ZNF99: variants seen among roughly 807,000 people sequenced by gnomAD.
ZNF99 encodes zinc finger protein ENSP00000375192.
A neutral mutation model predicts 12.8 loss-of-function variants in ZNF99; 8 were observed. The ratio of observed to expected loss-of-function variants is 0.62; its 90% CI spans 0.37 to 1.13. ZNF99 has a LOEUF of 1.13. Among genes scored for constraint, ZNF99 ranks in the 50% most tolerant of loss-of-function variants. The pLI is 0.02. For missense variants in ZNF99, 1,007 were observed against 1,006.2 expected, an observed-to-expected ratio of 1.00 and a Z score of -0.01; for synonymous variants, 318 against 319.0, an observed-to-expected ratio of 1.00 and a Z score of 0.03.
At chr19:22,763,719 A>C (rs1973174055) in intron 3 of ZNF99, among the ~76,000 whole-genome samples, 1 of 152,136 alleles carries the variant, frequency 6.6e-6, no homozygotes, top group Non-Finnish European at 1.5e-5. Flanking sequence ...ACACTACCTG[A>C]CTTCAAACTA....
intron 1 of ZNF99, among the ~76,000 whole-genome samples, chr19:22,779,510 G>A (rs910497365): frequency 6.6e-6 from 1 of 152,108 alleles, no homozygotes; most frequent in Non-Finnish European, 1.5e-5. Flanking sequence ...CAGCAACAGA[G>A]TGAGACTCTG....
At position 22,754,410 on chromosome 19, in the gene ZNF99, A is replaced by C; in HGVS notation, c.*2904T>G. The C allele has an allele frequency of 2.5e-6, 1 of 407,896 alleles. No homozygotes were observed. Among genetic ancestry groups the C allele is most frequent in the South Asian group, 1.8e-5 (1 of 55,490 alleles). The allele number at this position is 407,896 out of a possible 1,614,324, so 25.3% of individuals were successfully genotyped here. A position where few individuals can be genotyped will look rare whatever the true frequency, so the allele number is the denominator to read the frequency against. Reference sequence around the variant, plus strand: ...TTGCCACATTCTTCACATTTGTAGAATTTCTCTACAACATAAATTATCTTA... The same window carrying C: ...TTGCCACATTCTTCACATTTGTAGACTTTCTCTACAACATAAATTATCTTA... On this transcript the variant is annotated 3_prime_UTR_variant, in exon 4 of 4. Coordinates refer to ENST00000596209, the MANE Select transcript of ZNF99 (RefSeq NM_001080409.3).
chr19:22,773,177 T>C (rs141876930), intron 1 of ZNF99, among the ~76,000 whole-genome samples: 1 of 152,266 alleles, frequency 6.6e-6, no homozygotes, highest in African/African-American at 2.4e-5. Flanking sequence ...TGCAGCACAA[T>C]TGTGAGTTGA....
rs200366407 is a variant in ZNF99 at position 22,758,017 on chromosome 19, C to T, written c.1892G>A (p.Ser631Asn). The stretch of plus-strand genomic sequence containing the variant: ...ATGTTTTCTAAGGGTTGAGGACTGG[C>T]TAAAAGCTTTGCCACATTCTTCACA... The part of the protein sequence containing the change: ...YKCEECGKAF[S>N]QSSTLRKHEI... Residue 631 changes from serine (S) to asparagine (N), a missense_variant, in exon 4 of 4, where the codon AGC becomes AAC. Ser to Asn is a conservative substitution (Grantham distance 46). Transcript: ENST00000596209. 7 of 1,605,866 alleles carry T rather than the reference C, an allele frequency of 4.4e-6. No homozygotes were observed. Among genetic ancestry groups the T allele is most frequent in the African/African-American group, 1.4e-5 (1 of 73,144 alleles).
chr19:22,761,212 T>C (rs1291714911), intron 3 of ZNF99, among the ~76,000 whole-genome samples: 1 of 152,104 alleles, frequency 6.6e-6, no homozygotes, highest in Non-Finnish European at 1.5e-5. Context: ...CAGACCACTA[T>C]AAAAAATTTT....
Position 22,769,280 on chromosome 19 carries a change from C to T in ZNF99, c.48G>A (p.Glu16=). The T allele has an allele frequency of 1.2e-6, 2 of 1,610,206 alleles. No individual in the cohort carries two copies. The highest frequency in any genetic ancestry group is 1.7e-6 in the Non-Finnish European group (2 of 1,177,912). ...FWDVTIEFAL[E]EWQCLDMAQQ... ...GAGCCATGTCCAGGCATTGCCACTCCTCCAGAGCGAATTCTATGGTCACAT... is the reference window on the plus strand; with the variant it reads ...GAGCCATGTCCAGGCATTGCCACTCTTCCAGAGCGAATTCTATGGTCACAT... Residue 16 remains glutamate, a synonymous_variant, in exon 2 of 4, where the codon GAG becomes GAA. Transcript: ENST00000596209.
chr19:22,780,392 C>T (rs1266266484), intron 1 of ZNF99, among the ~76,000 whole-genome samples: 5 of 152,044 alleles, frequency 3.3e-5, no homozygotes, highest in African/African-American at 4.8e-5. Flanking sequence ...TTACTATTTC[C>T]ATTAAAAATC....
chr19:22,757,473 A>G lies in ZNF99; in HGVS notation c.2436T>C (p.Thr812=). 3 of 1,610,952 alleles carry G rather than the reference A, an allele frequency of 1.9e-6. No homozygotes were observed. The highest frequency in any genetic ancestry group is 2.5e-6 in the Non-Finnish European group (3 of 1,179,612). ...STLRKHEIIH[T]GEKSYKCEEC... ...CTTCACATTTGTAGGATTTCTCTCC[A>G]GTATGAATTATCTCATGTTTTCTAA... Residue 812 remains threonine, a synonymous_variant, in exon 4 of 4, where the codon ACT becomes ACC. Coordinates refer to ENST00000596209, the MANE Select transcript of ZNF99 (RefSeq NM_001080409.3).
Position 22,756,606 on chromosome 19 carries a change from A to G in ZNF99, c.*708T>C, listed in dbSNP as rs372760670. ...GTGAGGATTGCTTAAAAGCTTTGCCACATTCTTCACATTTGTACGGTTTCT... is the reference window on the plus strand; with the variant it reads ...GTGAGGATTGCTTAAAAGCTTTGCCGCATTCTTCACATTTGTACGGTTTCT... On this transcript the variant is annotated 3_prime_UTR_variant, in exon 4 of 4. Transcript: ENST00000596209. The G allele has an allele frequency of 9.4e-6, 15 of 1,599,942 alleles. 5 individuals are homozygous for G. The African/African-American group carries it at 2.3e-4, about 24-fold the overall frequency.
intron 1 of ZNF99, among the ~76,000 whole-genome samples, chr19:22,780,002 T>C (rs1388757553): frequency 6.6e-6 from 1 of 152,198 alleles, no homozygotes; most frequent in African/African-American, 2.4e-5. Context: ...CCTTTCATCT[T>C]AACCTTAACT....
rs1363080132 is a variant in ZNF99, at chr19:22,752,187, A to AT, written c.*5126dup. The AT allele has an allele frequency of 1.3e-5, 2 of 151,988 alleles. No individual in the cohort carries two copies. Among genetic ancestry groups the AT allele is most frequent in the African/African-American group, 4.8e-5 (2 of 41,490 alleles). The allele number at this position is 151,988 out of a possible 1,614,324, so 9.4% of individuals were successfully genotyped here. ...AAAAAAATATTTACTCAGGACCCAG[A>AT]TATGTATAGATTTTATTTACATTCC... On this transcript the variant is annotated 3_prime_UTR_variant, in exon 4 of 4. Transcript: ENST00000596209.
At chr19:22,766,945 C>A (rs1369910116) in intron 3 of ZNF99, among the ~76,000 whole-genome samples, 1 of 152,010 alleles carries the variant, frequency 6.6e-6, no homozygotes, top group Admixed American at 6.6e-5. Context: ...GACACCATGC[C>A]TGGCGTAACT....
intron 1 of ZNF99, among the ~76,000 whole-genome samples, chr19:22,769,698 A>G (rs1973244752): frequency 6.6e-6 from 1 of 151,752 alleles, no homozygotes; most frequent in East Asian, 1.9e-4. Context: ...CCCGGGAGGC[A>G]GAGCTTGCAG....
intron 1 of ZNF99, 131 bp downstream of exon 1, chr19:22,783,883 G>A: frequency 8.0e-7 from 1 of 1,249,124 alleles, no homozygotes; most frequent in South Asian, 1.2e-5. Context: ...GACTGAGGCC[G>A]AGCTGGGCAA....
At chr19:22,760,884 TAAAAAAAAA>T (rs5827535) in intron 3 of ZNF99, among the ~76,000 whole-genome samples, 3 of 118,266 alleles carry the variant, frequency 2.5e-5, no homozygotes, top group Middle Eastern at 4.7e-3. Flanking sequence ...ATTCTTTATC[TAAAAAAAAA>T]AAAAAAAAAA....
Position 22,759,152 on chromosome 19 carries a change from C to A in ZNF99, c.757G>T (p.Gly253Ter). 2 of 1,607,372 alleles carry A rather than the reference C, an allele frequency of 1.2e-6. No individual in the cohort carries two copies. The highest frequency in any genetic ancestry group is 1.7e-6 in the Non-Finnish European group (2 of 1,176,490). Reference sequence around the variant, plus strand: ...TCTTCACATTTGCAGGGTTTCTTTCCAGTATGAATTATCTTACATTTAGTG... The same window carrying A: ...TCTTCACATTTGCAGGGTTTCTTTCAAGTATGAATTATCTTACATTTAGTG... ...MFTKCKIIHTGKKPCKCEECG... is the reference protein window; with the variant it reads ...MFTKCKIIHT Residue 253 changes from glycine (G) to a stop codon, truncating the protein, a stop_gained, in exon 4 of 4, where the codon GGA (glycine) becomes TGA (stop). Transcript: ENST00000596209. LOFTEE classifies it low-confidence loss of function (END_TRUNC).
In ZNF99 at chr19:22,759,582, C is replaced by T; in HGVS notation, c.327G>A (p.Lys109=). 2 of 1,611,740 alleles carry T rather than the reference C, an allele frequency of 1.2e-6. No individual in the cohort carries two copies. The highest frequency in any genetic ancestry group is 1.7e-6 in the Non-Finnish European group (2 of 1,179,284). ...ILRTYARCGH[K]NLRLRKDCES... ...CACAATCTTTTCTTAATCGTAAATT[C>T]TTATGTCCACATCTTGCATATGTTC... Residue 109 remains lysine (K), a synonymous_variant, in exon 4 of 4, where the codon AAG becomes AAA. Coordinates refer to ENST00000596209, the MANE Select transcript of ZNF99 (RefSeq NM_001080409.3).
chr19:22,764,853 T>A (rs1267955710), intron 3 of ZNF99, among the ~76,000 whole-genome samples: 1 of 152,154 alleles, frequency 6.6e-6, no homozygotes, highest in Non-Finnish European at 1.5e-5. Flanking sequence ...TTGGTGTGGA[T>A]GTGGTGATCA....
At position 22,752,943 on chromosome 19, in the gene ZNF99, T is replaced by C. The variant is rs933175244; in HGVS notation, c.*4371A>G. On this transcript the variant is annotated 3_prime_UTR_variant, in exon 4 of 4. Transcript: ENST00000596209. ...ACCACAAAAAGCCTCTCCATTTAGATTTTTATCATGCATTTTATATTTTAA... is the reference window on the plus strand; with the variant it reads ...ACCACAAAAAGCCTCTCCATTTAGACTTTTATCATGCATTTTATATTTTAA... 4 of 152,142 alleles carry C rather than the reference T, an allele frequency of 2.6e-5. No individual in the cohort carries two copies. The highest frequency in any genetic ancestry group is 9.6e-5 in the African/African-American group (4 of 41,454). 9.4% of individuals were successfully genotyped at this position (152,142 alleles called of 1,614,324 possible). A position where few individuals can be genotyped will look rare whatever the true frequency, so the allele number is the denominator to read the frequency against.
Sources: allele counts gnomAD v4.1 joint callset (sites outside exome capture counted in the v4.1 genomes callset), GRCh38; gene constraint gnomAD v4.1.1; transcripts MANE v1.5; gene names NCBI Gene and HGNC (gene_info 2026-07-23, HGNC 2026-07-21).